TOP1MT: variants seen among roughly 807,000 people sequenced by gnomAD.
The protein encoded by TOP1MT is DNA topoisomerase I mitochondrial, also known as DNA topoisomerase I, mitochondrial.
In TOP1MT, 80 loss-of-function variants were observed where a neutral mutation model predicts 73.9. The observed-to-expected ratio is 1.08, with a 90% CI of 0.90 to 1.30. The LOEUF (loss-of-function observed/expected upper bound fraction) is 1.30, where lower values mean the gene tolerates loss of function less well. Ranked by LOEUF, TOP1MT falls within the 50% of genes most tolerant of loss-of-function variation. The probability of loss-of-function intolerance (pLI) is 0.00; values close to 1 mark genes in which losing one functional copy is unlikely to be tolerated. For missense variants in TOP1MT, 815 were observed against 808.0 expected, an observed-to-expected ratio of 1.01 and a Z score of -0.10; for synonymous variants, 338 against 326.4, an observed-to-expected ratio of 1.04 and a Z score of -0.38.
chr8:143,326,516 G>A (rs957437409), intron 3 of TOP1MT, among the ~76,000 whole-genome samples, 172 bp from the exon 4 acceptor site: 2 of 152,168 alleles, frequency 1.3e-5, no homozygotes, highest in African/African-American at 2.4e-5. Context: ...GCCTCTCCCC[G>A]CAGACCCCAC....
At chr8:143,332,583 C>T (rs1430883189) in intron 1 of TOP1MT, 1 of 1,289,132 alleles carries the variant, frequency 7.8e-7, no homozygotes, top group Non-Finnish European at 1.0e-6. Flanking sequence ...CTCAGAGCAA[C>T]AGGAAGTCTC....
intron 12 of TOP1MT, among the ~76,000 whole-genome samples, chr8:143,311,552 C>A (rs1349743629): frequency 2.0e-5 from 3 of 152,096 alleles, no homozygotes; most frequent in Non-Finnish European, 4.4e-5. Context: ...TTGAGACCAT[C>A]CTGGCTAACA....
chr8:143,346,496 G>A (rs1817223242), upstream of TOP1MT, among the ~76,000 whole-genome samples: 1 of 152,160 alleles, frequency 6.6e-6, no homozygotes, highest in Non-Finnish European at 1.5e-5. Flanking sequence ...ATAAGAAAGG[G>A]GGCTGTGCTG....
chr8:143,326,456 T>C, intron 3 of TOP1MT, 112 bp from the exon 4 acceptor site: 2 of 1,449,036 alleles, frequency 1.4e-6, no homozygotes, highest in Non-Finnish European at 1.9e-6. Context: ...GACGGAGGCG[T>C]GTGTGCAATA....
At chr8:143,342,910 G>A (rs966173214) in intron 2 of TOP1MT, among the ~76,000 whole-genome samples, 31 of 151,576 alleles carry the variant, frequency 2.0e-4, no homozygotes, top group Admixed American at 4.6e-4. Context: ...TCAGCCTCCC[G>A]ACCACCACAC....
At chr8:143,316,796 G>A (rs1003681019) in intron 10 of TOP1MT, among the ~76,000 whole-genome samples, 12 of 152,192 alleles carry the variant, frequency 7.9e-5, no homozygotes, top group Non-Finnish European at 1.6e-4. Context: ...ATCCTGCATG[G>A]CCCACCCAGC....
intron 1 of TOP1MT, chr8:143,332,779 T>A (rs995969388): frequency 2.8e-6 from 1 of 355,516 alleles, no homozygotes; most frequent in Non-Finnish European, 5.5e-6. Context: ...ACGCCTGTGA[T>A]CCCAGCACTT....
rs1816633553 is a variant in TOP1MT, at chr8:143,324,029, C to G, written c.930G>C (p.Gln310His). Residue 310 changes from glutamine to histidine, a missense_variant, in exon 7 of 14, where the codon CAG becomes CAC. Gln to His is a conservative substitution (Grantham distance 24). Coordinates refer to ENST00000329245, the MANE Select transcript of TOP1MT (RefSeq NM_052963.3). The stretch of plus-strand genomic sequence containing the variant: ...CGATGAAATACAGGGCCACCGCCCG[C>G]TGTCTCGTCTTCATTTCCCGAGACT... The part of the protein sequence containing the change: ...DWKSREMKTR[Q>H]RAVALYFIDK... 2 of 1,613,826 alleles carry G rather than the reference C, an allele frequency of 1.2e-6. No homozygotes were observed. Among genetic ancestry groups the G allele is most frequent in the East Asian group, 4.5e-5 (2 of 44,888 alleles).
chr8:143,347,572 C>T (rs956049928), upstream of TOP1MT, among the ~76,000 whole-genome samples: 6 of 152,342 alleles, frequency 3.9e-5, no homozygotes, highest in African/African-American at 1.2e-4. Context: ...GAATTATAGG[C>T]GTGCCTGGCC....
chr8:143,323,194 T>C (rs866364301), intron 7 of TOP1MT, among the ~76,000 whole-genome samples: 868 of 18,858 alleles, frequency 0.046, 45 homozygotes, highest in African/African-American at 0.11. Flanking sequence ...CACACACGCA[T>C]GCCACACACA....
rs1563757572 is a variant in TOP1MT at position 143,321,468 on chromosome 8, A to ACG, written c.961-83_961-82insCG. On this transcript the variant is annotated intron_variant, in intron 7 of 13. Transcript: ENST00000329245. ...CGCACGCCACACACACGCACGCCAC[A>ACG]CACGCACGCCACACGCACGCCACAC... 53 of 1,144,356 alleles carry ACG rather than the reference A, an allele frequency of 4.6e-5. 2 individuals carry two copies. Among genetic ancestry groups the ACG allele is most frequent in the Admixed American group, 5.1e-5 (2 of 39,060 alleles). 70.9% of individuals were successfully genotyped at this position (1,144,356 alleles called of 1,614,324 possible).
At chr8:143,323,386 C>T (rs1816589284) in intron 7 of TOP1MT, among the ~76,000 whole-genome samples, 1 of 126,364 alleles carries the variant, frequency 7.9e-6, no homozygotes, top group African/African-American at 3.2e-5. Context: ...AGATGCATGC[C>T]ACACACACAG....
rs1816357910 is a variant in TOP1MT, at chr8:143,321,500, GCCACACACACGCACT to G, written c.961-129_961-115del. ...CGCCACACGCACGCCACACACGCAC[GCCACACACACGCACT>G]CCACACACGCACGCCACACACACGC... On this transcript the variant is annotated intron_variant, in intron 7 of 13. Transcript: ENST00000329245. The G allele has an allele frequency of 2.1e-5, 13 of 628,296 alleles. No homozygotes were observed. The Admixed American group carries it at 3.4e-4, about 16-fold the overall frequency. 38.9% of individuals were successfully genotyped at this position (628,296 alleles called of 1,614,324 possible). A position where few individuals can be genotyped will look rare whatever the true frequency, so the allele number is the denominator to read the frequency against.
intron 3 of TOP1MT, chr8:143,328,278 G>A: frequency 2.2e-6 from 1 of 455,950 alleles, no homozygotes; most frequent in Non-Finnish European, 4.4e-6. Context: ...GCAAAGTCTG[G>A]GAGATGACAT....
chr8:143,349,876 A>G (rs1378872808), upstream of TOP1MT, among the ~76,000 whole-genome samples: 2 of 152,132 alleles, frequency 1.3e-5, no homozygotes, highest in African/African-American at 4.8e-5. Context: ...CCTGACCTCA[A>G]TTGATCTGCC....
chr8:143,338,577 A>G (rs1172610217), upstream of TOP1MT, among the ~76,000 whole-genome samples: 2 of 152,230 alleles, frequency 1.3e-5, no homozygotes, highest in Non-Finnish European at 2.9e-5. Context: ...AAAAAAAAAA[A>G]AATGTTAATT....
At chr8:143,346,001 G>A (rs1174829983), upstream of TOP1MT, among the ~76,000 whole-genome samples, 1 of 152,238 alleles carries the variant, frequency 6.6e-6, no homozygotes, top group East Asian at 1.9e-4. Flanking sequence ...TATTCTGAGT[G>A]TGGCAGTGGC....
intron 3 of TOP1MT, among the ~76,000 whole-genome samples, chr8:143,326,801 A>C (rs1816719799): frequency 6.6e-6 from 1 of 152,212 alleles, no homozygotes; most frequent in East Asian, 1.9e-4. Context: ...TCGCGAGGGC[A>C]AAGTCTCAGT....
intron 2 of TOP1MT, among the ~76,000 whole-genome samples, chr8:143,340,756 G>C (rs1359371457): frequency 1.3e-5 from 2 of 152,176 alleles, no homozygotes; most frequent in African/African-American, 4.8e-5. Flanking sequence ...CCCCAGCTTT[G>C]TCTGTCTCCC....
Sources: gnomAD v4.1 joint callset for allele counts (sites outside exome capture counted in the v4.1 genomes callset) on GRCh38, gnomAD v4.1.1 for gene constraint, MANE v1.5 for transcripts, NCBI Gene and HGNC (gene_info 2026-07-23, HGNC 2026-07-21) for gene names.